IGSF9: variants seen among roughly 807,000 people sequenced by gnomAD.
The protein encoded by IGSF9 is protein turtle homolog A.
In IGSF9, 87 loss-of-function variants were observed where a neutral mutation model predicts 121.7. That is an observed-to-expected ratio of 0.71 (90% CI 0.60 to 0.85). The LOEUF (loss-of-function observed/expected upper bound fraction) is 0.85. Among genes scored for constraint, IGSF9 ranks in the 40% least tolerant of loss-of-function variants. IGSF9 has a pLI of 0.00. For missense variants in IGSF9, 1,462 were observed against 1,565.3 expected, an observed-to-expected ratio of 0.93 and a Z score of 1.11; for synonymous variants, 640 against 648.4, an observed-to-expected ratio of 0.99 and a Z score of 0.20.
Position 159,932,207 on chromosome 1 carries a change from CA to C in IGSF9, c.1246-280del, listed in dbSNP as rs531783181. ...ACTCTCAGAGATGTACAAACCTCTG[CA>C]GAACATTCTTCCTCCCAGAGCCCCA... On this transcript the variant is annotated intron_variant, in intron 10 of 20. Transcript: ENST00000368094. The surrounding 1 kb of genome is among the most constrained non-coding windows in gnomAD (Gnocchi z 4.1). 157 of 573,464 alleles carry C rather than the reference CA, an allele frequency of 2.7e-4. 2 individuals are homozygous for C. Among genetic ancestry groups the C allele is most frequent in the African/African-American group, 2.6e-3 (140 of 53,304 alleles). The allele number at this position is 573,464 out of a possible 1,614,324, so 35.5% of individuals were successfully genotyped here. A position where few individuals can be genotyped will look rare whatever the true frequency, so the allele number is the denominator to read the frequency against.
At position 159,937,782 on chromosome 1, in the gene IGSF9, C is replaced by A; in HGVS notation, c.304G>T (p.Asp102Tyr). The change falls in exon 4 of 21, where the codon GAC (aspartate) becomes TAC (tyrosine). Residue 102 changes from aspartate (D) to tyrosine (Y), a missense_variant. Asp to Tyr is a radical substitution (Grantham distance 160). Transcript: ENST00000368094. ...SLQIEGLRVE[D>Y]QGWYECRVFF... is the part of the protein sequence containing the mutation. ...ACGCGGCACTCGTACCAGCCCTGGT[C>A]TTCCACCCGGAGACCCTCAATCTGG... 6.2e-7 allele frequency: 1 copy of A among 1,614,134 alleles called. No homozygotes were observed. Among genetic ancestry groups the A allele is most frequent in the South Asian group, 1.1e-5 (1 of 91,084 alleles).
In IGSF9 at chr1:159,932,673, C is replaced by G. The variant is rs975729970; in HGVS notation, c.1105-21G>C. ...GGGAACTGGAAGGAAGAGAAGATGACAGCTAGAGAGAGGAGCTCAGCAGAG... is the reference window on the plus strand; with the variant it reads ...GGGAACTGGAAGGAAGAGAAGATGAGAGCTAGAGAGAGGAGCTCAGCAGAG... On this transcript the variant is annotated intron_variant, in intron 9 of 20. Coordinates refer to ENST00000368094, the MANE Select transcript of IGSF9 (RefSeq NM_001135050.2). This position sits in a 1 kb window ranked among gnomAD's most constrained non-coding sequence, Gnocchi z 4.1. 3 of 1,599,332 alleles carry G rather than the reference C, an allele frequency of 1.9e-6. No individual in the cohort carries two copies. Among genetic ancestry groups the G allele is most frequent in the Non-Finnish European group, 2.6e-6 (3 of 1,170,486 alleles).
At position 159,928,423 on chromosome 1, in the gene IGSF9, C is replaced by CA; in HGVS notation, c.2964dup (p.Gly989TrpfsTer13). On this transcript the variant is annotated frameshift_variant, in exon 19 of 21. Transcript: ENST00000368094. LOFTEE classifies it high-confidence loss of function. The stretch of plus-strand genomic sequence containing the variant: ...GTGTAAGGGGGCTCTGCAGTGGCCC[C>CA]AGCCCCTACCACAGCCCCAGGAAGT... 1 of 1,604,868 alleles carries CA rather than the reference C, an allele frequency of 6.2e-7. No homozygotes were observed. Among genetic ancestry groups the CA allele is most frequent in the Non-Finnish European group, 8.5e-7 (1 of 1,175,458 alleles).
rs750908780 is a variant in IGSF9, at chr1:159,943,084, G to T, written c.126C>A (p.Asp42Glu). The T allele has an allele frequency of 1.2e-6, 2 of 1,612,972 alleles. No individual in the cohort carries two copies. Among genetic ancestry groups the T allele is most frequent in the Admixed American group, 1.7e-5 (1 of 59,848 alleles). ...RAGESVVLGC[D>E]LLPPAGRPPL... ...GGGGCCGGCCGGCCGGGGGCAGCAG[G>T]TCACAGCCCAGCACCACACTCTCCC... The change falls in exon 3 of 21, where the codon GAC (aspartate) becomes GAA (glutamate). Residue 42 changes from aspartate (D) to glutamate (E), a missense_variant. Physicochemically the swap from Asp to Glu is conservative, Grantham distance 45. Around this residue, in one of 3 missense-constraint regions of IGSF9, gnomAD observed 558 missense variants for 599.4 expected, o/e 0.93. Coordinates refer to ENST00000368094, the MANE Select transcript of IGSF9 (RefSeq NM_001135050.2).
In IGSF9 at chr1:159,942,987, G is replaced by T. The variant is rs745893824; in HGVS notation, c.223C>A (p.Pro75Thr). 2 of 1,613,366 alleles carry T rather than the reference G, an allele frequency of 1.2e-6. No homozygotes were observed. Among genetic ancestry groups the T allele is most frequent in the South Asian group, 2.2e-5 (2 of 90,976 alleles). ...CCCACGTAATCAGGGTCAATTCGGGGAGAGTAGAGGCCGAACTGGATGAAG... is the reference window on the plus strand; with the variant it reads ...CCCACGTAATCAGGGTCAATTCGGGTAGAGTAGAGGCCGAACTGGATGAAG... ...PIFIQFGLYS[P>T]RIDPDYVGRV... is the part of the protein sequence containing the mutation. Residue 75 changes from proline (P) to threonine (T), a missense_variant, in exon 3 of 21, where the codon CCC (proline) becomes ACC (threonine). By Grantham distance (38) the Pro-to-Thr change is conservative. Around this residue, in one of 3 missense-constraint regions of IGSF9, gnomAD observed 558 missense variants for 599.4 expected, o/e 0.93. Coordinates refer to ENST00000368094, the MANE Select transcript of IGSF9 (RefSeq NM_001135050.2).
rs752388672 is a variant in IGSF9, at chr1:159,931,771, A to C, written c.1362+41T>G. 3 of 1,467,294 alleles carry C rather than the reference A, an allele frequency of 2.0e-6. No individual in the cohort carries two copies. Among genetic ancestry groups the C allele is most frequent in the Non-Finnish European group, 1.9e-6 (2 of 1,072,428 alleles). The allele number at this position is 1,467,294 out of a possible 1,614,324, so 90.9% of individuals were successfully genotyped here. ...GCTGGGGCACGAGAGGCAGGGGTGT[A>C]GTGGGCGTGGGTACAGGCAGAGCGG... On this transcript the variant is annotated intron_variant, in intron 11 of 20. Coordinates refer to ENST00000368094, the MANE Select transcript of IGSF9 (RefSeq NM_001135050.2). This position sits in a 1 kb window ranked among gnomAD's most constrained non-coding sequence, Gnocchi z 4.8.
In IGSF9 at chr1:159,927,076, TCA is replaced by T. The variant is rs138111490; in HGVS notation, c.*267_*268del. 25,225 of 341,924 alleles carry T rather than the reference TCA, an allele frequency of 0.074. 71 individuals carry two copies. Among genetic ancestry groups the T allele is most frequent in the East Asian group, 0.15 (2,326 of 15,764 alleles). The allele number at this position is 341,924 out of a possible 1,614,324, so 21.2% of individuals were successfully genotyped here. On this transcript the variant is annotated 3_prime_UTR_variant, in exon 21 of 21. Transcript: ENST00000368094. ...TTTGTTTATTCACCTGTAAAAAACT[TCA>T]CACACACACACACACACACAGAGAG...
chr1:159,929,848 C>G (rs1192208159), intron 16 of IGSF9, 34 bp from the exon 17 acceptor site: 2 of 1,590,316 alleles, frequency 1.3e-6, no homozygotes, highest in South Asian at 1.1e-5. Flanking sequence ...GGTCAGTGGA[C>G]TCGGAGCAGC....
chr1:159,942,940 T>A (rs1651440206), intron 3 of IGSF9, 23 bp downstream of exon 3: 4 of 1,603,108 alleles, frequency 2.5e-6, no homozygotes, highest in Non-Finnish European at 3.4e-6. Context: ...CCTCCCTACC[T>A]CCCACCTGAG....
At chr1:159,935,263 TACAG>T (rs1388208000) in intron 6 of IGSF9, among the ~76,000 whole-genome samples, 1 of 152,138 alleles carries the variant, frequency 6.6e-6, no homozygotes, top group Non-Finnish European at 1.5e-5. Flanking sequence ...TGGCCATTCA[TACAG>T]AAACAGCCCC....
rs754752758 is a variant in IGSF9, at chr1:159,930,886, T to TG, written c.1638-20dup. The TG allele has an allele frequency of 4.4e-6, 7 of 1,584,014 alleles. No homozygotes were observed. Among genetic ancestry groups the TG allele is most frequent in the Admixed American group, 3.7e-5 (2 of 53,672 alleles). On this transcript the variant is annotated intron_variant, in intron 13 of 20. Transcript: ENST00000368094. Reference sequence around the variant, plus strand: ...CTTGGCCCTGGGAGACATGAGGACATGGGGGGCACCTCGTGAGCTAGGAAG... The same window carrying TG: ...CTTGGCCCTGGGAGACATGAGGACATGGGGGGGCACCTCGTGAGCTAGGAAG...
Position 159,931,906 on chromosome 1 carries a change from C to T in IGSF9, c.1268G>A (p.Arg423Gln), listed in dbSNP as rs759417456. 33 of 1,596,106 alleles carry T rather than the reference C, an allele frequency of 2.1e-5. No individual in the cohort carries two copies. The highest frequency in any genetic ancestry group is 9.3e-5 in the Admixed American group (5 of 53,740). Residue 423 changes from arginine (R) to glutamine (Q), a missense_variant, in exon 11 of 21, where the codon CGG (arginine) becomes CAG (glutamine). Coordinates refer to ENST00000368094, the MANE Select transcript of IGSF9 (RefSeq NM_001135050.2). The surrounding 1 kb of genome is among the most constrained non-coding windows in gnomAD (Gnocchi z 4.8). ...TTCTTGGAAATATTCTTCCTTGGGC[C>T]GCTCTATAAAAGCTGGGGGAGCCTG... ...LLKAPPAFIE[R>Q]PKEEYFQEVG...
At position 159,932,183 on chromosome 1, in the gene IGSF9, C is replaced by T. The variant is rs758120995; in HGVS notation, c.1246-255G>A. Reference sequence around the variant, plus strand: ...TAAGGGCTGGCAGGCTTAGGCAGGACTCTCAGAGATGTACAAACCTCTGCA... The same window carrying T: ...TAAGGGCTGGCAGGCTTAGGCAGGATTCTCAGAGATGTACAAACCTCTGCA... On this transcript the variant is annotated intron_variant, in intron 10 of 20. Transcript: ENST00000368094. This position sits in a 1 kb window ranked among gnomAD's most constrained non-coding sequence, Gnocchi z 4.1. 4.0e-4 allele frequency: 225 copies of T among 567,514 alleles called. No individual in the cohort carries two copies. The highest frequency in any genetic ancestry group is 9.2e-4 in the Middle Eastern group (2 of 2,166). 35.2% of individuals were successfully genotyped at this position (567,514 alleles called of 1,614,324 possible). A position where few individuals can be genotyped will look rare whatever the true frequency, so the allele number is the denominator to read the frequency against.
rs1650856357 is a variant in IGSF9, at chr1:159,928,812, A to G, written c.2576T>C (p.Val859Ala). 6.6e-7 allele frequency: 1 copy of G among 1,504,924 alleles called. No homozygotes were observed. The allele number at this position is 1,504,924 out of a possible 1,614,324, so 93.2% of individuals were successfully genotyped here. Residue 859 changes from valine to alanine, a missense_variant, in exon 19 of 21, where the codon GTG (valine) becomes GCG (alanine). Physicochemically the swap from Val to Ala is moderately conservative, Grantham distance 64. Transcript: ENST00000368094. ...PDGRFVMGPT[V>A]AAPQERSGRE... ...GCCTGACCTTTCCTGGGGGGCCGCCACAGTGGGCCCCATCACAAAGCGCCC... is the reference window on the plus strand; with the variant it reads ...GCCTGACCTTTCCTGGGGGGCCGCCGCAGTGGGCCCCATCACAAAGCGCCC...
Position 159,927,097 on chromosome 1 carries a change from C to CACACACACAG in IGSF9, c.*247_*248insCTGTGTGTGT, listed in dbSNP as rs762782876. 693 of 371,854 alleles carry CACACACACAG rather than the reference C, an allele frequency of 1.9e-3. 6 individuals are homozygous for CACACACACAG. The highest frequency in any genetic ancestry group is 0.015 in the African/African-American group (643 of 42,254). 23.0% of individuals were successfully genotyped at this position (371,854 alleles called of 1,614,324 possible). ...AACTTCACACACACACACACACACA[C>CACACACACAG]AGAGAGAGAGAGAGAGAGAGAGAGA... is the stretch of plus-strand genomic sequence containing the variant. On this transcript the variant is annotated 3_prime_UTR_variant, in exon 21 of 21. Transcript: ENST00000368094.
Position 159,932,087 on chromosome 1 carries a change from A to C in IGSF9, c.1246-159T>G. On this transcript the variant is annotated intron_variant, in intron 10 of 20. Transcript: ENST00000368094. This position sits in a 1 kb window ranked among gnomAD's most constrained non-coding sequence, Gnocchi z 4.1. ...CCTGTCTCTACCTCATTCTCTCTCC[A>C]TCTCTCAATTCCTCTCTGGCTCTGT... 2 of 585,076 alleles carry C rather than the reference A, an allele frequency of 3.4e-6. No individual in the cohort carries two copies. The highest frequency in any genetic ancestry group is 3.0e-6 in the Non-Finnish European group (1 of 331,670). 36.2% of individuals were successfully genotyped at this position (585,076 alleles called of 1,614,324 possible).
intron 9 of IGSF9, chr1:159,933,850 C>G (rs1381019554): frequency 2.9e-6 from 1 of 345,324 alleles, no homozygotes; most frequent in East Asian, 8.0e-5. Context: ...CACACAGCAC[C>G]TGGTAAGAAG....
intron 3 of IGSF9, among the ~76,000 whole-genome samples, chr1:159,940,580 C>T (rs1651342619): frequency 6.6e-6 from 1 of 152,200 alleles, no homozygotes; most frequent in African/African-American, 2.4e-5. Flanking sequence ...CCTAAATGGG[C>T]AAGTTCACGT....
intron 6 of IGSF9, 113 bp from the exon 7 acceptor site, chr1:159,934,935 G>T: frequency 7.8e-7 from 1 of 1,279,002 alleles, no homozygotes; most frequent in Non-Finnish European, 1.1e-6. Context: ...AGGGCTCGTT[G>T]TTACAGGGCT....
Sources: gnomAD v4.1 joint callset for allele counts (sites outside exome capture counted in the v4.1 genomes callset) on GRCh38, gnomAD v4.1.1 for gene constraint, gnomAD v4.1.1 regional missense constraint, Gnocchi (gnomAD v3.1) non-coding constraint, MANE v1.5 for transcripts, NCBI Gene and HGNC (gene_info 2026-07-23, HGNC 2026-07-21) for gene names.